PPFIA2: variants seen among roughly 807,000 people sequenced by gnomAD.
The protein encoded by PPFIA2 is PPFI scaffold protein A2.
PPFIA2 carries 46 observed loss-of-function variants against 175.5 expected under a neutral mutation model. The observed-to-expected ratio is 0.26, with a 90% CI of 0.21 to 0.34. The LOEUF is 0.34. Among genes scored for constraint, PPFIA2 ranks in the 10% least tolerant of loss-of-function variants. The pLI, the probability that PPFIA2 is intolerant of heterozygous loss-of-function variation, is 1.00. For missense variants in PPFIA2, 1,179 were observed against 1,506.1 expected, an observed-to-expected ratio of 0.78 and a Z score of 3.60; for synonymous variants, 568 against 511.4, an observed-to-expected ratio of 1.11 and a Z score of -1.49.
chr12:81,692,343 G>C (rs921471000), intron 3 of PPFIA2, among the ~76,000 whole-genome samples: 4 of 152,046 alleles, frequency 2.6e-5, no homozygotes, highest in African/African-American at 9.7e-5. Context: ...GAGAGATCTG[G>C]AGTCTGAGGA....
intron 4 of PPFIA2, among the ~76,000 whole-genome samples, chr12:81,460,255 T>C (rs2054291442): frequency 6.6e-6 from 1 of 152,086 alleles, no homozygotes; most frequent in African/African-American, 2.4e-5. Flanking sequence ...GTTTGAGATC[T>C]GATGATTTTA....
intron 4 of PPFIA2, among the ~76,000 whole-genome samples, chr12:81,508,632 A>G (rs1229664700): frequency 6.7e-6 from 1 of 148,394 alleles, no homozygotes; most frequent in Non-Finnish European, 1.5e-5. Flanking sequence ...TTATTATTAT[A>G]CTTTAAGTTT....
At chr12:81,732,529 A>AC (rs1491202269) in intron 3 of PPFIA2, among the ~76,000 whole-genome samples, 34 of 147,466 alleles carry the variant, frequency 2.3e-4, no homozygotes, top group African/African-American at 6.7e-4. Flanking sequence ...AAAAAAAAAA[A>AC]CACTCACACA....
intron 3 of PPFIA2, among the ~76,000 whole-genome samples, chr12:81,713,982 A>G (rs1396118723): frequency 6.6e-6 from 1 of 151,122 alleles, no homozygotes; most frequent in African/African-American, 2.4e-5. Flanking sequence ...CAATAATAAG[A>G]TGACATTTGG....
At chr12:81,569,519 A>C (rs1455525949) in intron 4 of PPFIA2, among the ~76,000 whole-genome samples, 1 of 152,202 alleles carries the variant, frequency 6.6e-6, no homozygotes, top group Non-Finnish European at 1.5e-5. Flanking sequence ...ACTAGTTGCT[A>C]ATATCTTTCC....
At chr12:81,547,573 C>T (rs947312745) in intron 4 of PPFIA2, among the ~76,000 whole-genome samples, 5 of 152,198 alleles carry the variant, frequency 3.3e-5, no homozygotes, top group African/African-American at 7.2e-5. Flanking sequence ...CGGGGTTTCT[C>T]CATGTTGGCC....
chr12:81,535,016 G>A (rs989789623), intron 4 of PPFIA2, among the ~76,000 whole-genome samples: 2 of 151,586 alleles, frequency 1.3e-5, no homozygotes, highest in Non-Finnish European at 3.0e-5. Flanking sequence ...AGGTGTTATG[G>A]CCACCATGCA....
At chr12:81,645,641 T>C (rs1032113108) in intron 4 of PPFIA2, among the ~76,000 whole-genome samples, 1 of 152,198 alleles carries the variant, frequency 6.6e-6, no homozygotes, top group Non-Finnish European at 1.5e-5. Context: ...TGAACAAAAT[T>C]CCAAAGGTTG....
intron 4 of PPFIA2, among the ~76,000 whole-genome samples, chr12:81,628,179 C>A (rs907177134): frequency 2.6e-5 from 4 of 151,854 alleles, no homozygotes; most frequent in African/African-American, 9.7e-5. Context: ...TTAAAAAATT[C>A]TTTTTTTGAA....
intron 3 of PPFIA2, among the ~76,000 whole-genome samples, chr12:81,706,607 A>G (rs1206936279): frequency 2.0e-5 from 3 of 152,210 alleles, no homozygotes; most frequent in Non-Finnish European, 2.9e-5. Context: ...AATGTATAGT[A>G]ATACCCGGCC....
At chr12:81,630,855 T>G (rs2063292568) in intron 4 of PPFIA2, among the ~76,000 whole-genome samples, 1 of 151,098 alleles carries the variant, frequency 6.6e-6, no homozygotes, top group African/African-American at 2.4e-5. Flanking sequence ...CTGTAACATT[T>G]TTATGTAAAG....
At chr12:81,331,780 C>T (rs2056180139) in intron 21 of PPFIA2, among the ~76,000 whole-genome samples, 1 of 151,966 alleles carries the variant, frequency 6.6e-6, no homozygotes, top group African/African-American at 2.4e-5. Context: ...TCTATTTGAT[C>T]ACTCCCTTGT....
chr12:81,732,364 T>C (rs1257058686), intron 3 of PPFIA2, among the ~76,000 whole-genome samples: 1 of 151,578 alleles, frequency 6.6e-6, no homozygotes, highest in Non-Finnish European at 1.5e-5. Flanking sequence ...AATAACACTT[T>C]ATGTTAATAC....
At chr12:81,385,807 C>T (rs1006164798) in intron 8 of PPFIA2, among the ~76,000 whole-genome samples, 4 of 152,068 alleles carry the variant, frequency 2.6e-5, no homozygotes, top group African/African-American at 4.8e-5. Context: ...ATGATAGCTA[C>T]AGTTAATAAT....
chr12:81,738,751 A>G (rs1213898687), intron 3 of PPFIA2, among the ~76,000 whole-genome samples: 1 of 151,960 alleles, frequency 6.6e-6, no homozygotes, highest in African/African-American at 2.4e-5. Context: ...ACAAGTATTT[A>G]CAGTAATTAT....
chr12:81,525,749 A>G (rs2063661442), intron 4 of PPFIA2, among the ~76,000 whole-genome samples: 1 of 152,206 alleles, frequency 6.6e-6, no homozygotes, highest in Admixed American at 6.5e-5. Context: ...TTCTCCTTAT[A>G]TTGTTTACTA....
intron 4 of PPFIA2, among the ~76,000 whole-genome samples, chr12:81,561,868 C>T (rs897378960): frequency 5.3e-5 from 8 of 152,180 alleles, no homozygotes; most frequent in Non-Finnish European, 7.4e-5. Context: ...ATCTTGTCTG[C>T]ATTGAATAGC....
chr12:81,592,120 G>T (rs1419473295), intron 4 of PPFIA2, among the ~76,000 whole-genome samples: 1 of 152,106 alleles, frequency 6.6e-6, no homozygotes, highest in Non-Finnish European at 1.5e-5. Flanking sequence ...TTTAAGATTT[G>T]ACTGCCCTGC....
chr12:81,601,216 T>C (rs558169442), intron 4 of PPFIA2, among the ~76,000 whole-genome samples: 3 of 152,108 alleles, frequency 2.0e-5, no homozygotes, highest in African/African-American at 7.2e-5. Context: ...TGCTTTATTC[T>C]AAATGTTACT....
Sources: allele counts gnomAD v4.1 joint callset (sites outside exome capture counted in the v4.1 genomes callset), GRCh38; gene constraint gnomAD v4.1.1; transcripts MANE v1.5; gene names NCBI Gene and HGNC (gene_info 2026-07-23, HGNC 2026-07-21).